The following GRIP1 variants were observed in gnomAD, a reference collection of about 807,000 sequenced individuals.
The protein encoded by GRIP1 is glutamate receptor interacting protein 1.
In GRIP1, 45 loss-of-function variants were observed where a neutral mutation model predicts 129.9. The observed-to-expected ratio is 0.35, with a 90% CI of 0.27 to 0.44. GRIP1 has a LOEUF of 0.44. Ranked by LOEUF, GRIP1 falls within the 20% of genes least tolerant of loss-of-function variation. The probability of loss-of-function intolerance (pLI) is 1.00; values close to 1 mark genes in which losing one functional copy is unlikely to be tolerated. For synonymous variants in GRIP1, 530 were observed against 520.8 expected, an observed-to-expected ratio of 1.02 and a Z score of -0.24; for missense variants, 1,196 against 1,396.8, an observed-to-expected ratio of 0.86 and a Z score of 2.29.
At chr12:66,722,750 T>G (rs2036098615) in intron 1 of GRIP1, among the ~76,000 whole-genome samples, 1 of 152,140 alleles carries the variant, frequency 6.6e-6, no homozygotes, top group South Asian at 2.1e-4. Context: ...TAATACATAA[T>G]TAATTAATCT....
intron 1 of GRIP1, among the ~76,000 whole-genome samples, chr12:66,913,903 G>A (rs184683147): frequency 6.6e-6 from 1 of 152,196 alleles, no homozygotes; most frequent in Non-Finnish European, 1.5e-5. Flanking sequence ...CATCAAAGAA[G>A]TATTTAAATA....
chr12:67,061,133 C>T (rs1483172451), intron 1 of GRIP1, among the ~76,000 whole-genome samples: 11 of 152,156 alleles, frequency 7.2e-5, no homozygotes. Context: ...AAAGGGGAAC[C>T]TCATGTTTGA....
At chr12:66,589,480 A>T (rs546115034) in intron 2 of GRIP1, among the ~76,000 whole-genome samples, 1 of 152,292 alleles carries the variant, frequency 6.6e-6, no homozygotes, top group Non-Finnish European at 1.5e-5. Flanking sequence ...TGTCAAAGTC[A>T]TGTCTTCTGA....
chr12:66,703,904 T>C (rs1414349884), intron 1 of GRIP1, among the ~76,000 whole-genome samples: 5 of 151,996 alleles, frequency 3.3e-5, no homozygotes, highest in Non-Finnish European at 5.9e-5. Flanking sequence ...CCACTGTGAC[T>C]GTAACAGATG....
chr12:67,028,213 T>C (rs1050615455), intron 1 of GRIP1, among the ~76,000 whole-genome samples: 6 of 152,218 alleles, frequency 3.9e-5, no homozygotes, highest in Admixed American at 3.3e-4. Context: ...TGGTTTCTCT[T>C]ATTAATACTG....
intron 1 of GRIP1, among the ~76,000 whole-genome samples, chr12:66,918,438 G>A (rs191809299): frequency 6.6e-6 from 1 of 152,116 alleles, no homozygotes; most frequent in Non-Finnish European, 1.5e-5. Flanking sequence ...ACCCTCATGA[G>A]AACACTAGAA....
At chr12:66,810,361 C>A (rs889735044) in intron 1 of GRIP1, among the ~76,000 whole-genome samples, 2 of 152,076 alleles carry the variant, frequency 1.3e-5, no homozygotes. Context: ...AGTTTGAGAC[C>A]AGCCTGGCCA....
intron 1 of GRIP1, among the ~76,000 whole-genome samples, chr12:66,779,792 A>G (rs1271286147): frequency 6.6e-6 from 1 of 152,236 alleles, no homozygotes; most frequent in Non-Finnish European, 1.5e-5. Context: ...TGCAGTAGTG[A>G]AAATAAAATG....
upstream of GRIP1, among the ~76,000 whole-genome samples, chr12:66,807,772 G>A (rs2039023638): frequency 6.6e-6 from 1 of 151,940 alleles, no homozygotes; most frequent in Admixed American, 6.6e-5. Flanking sequence ...GGCCTCCCCA[G>A]AAATAGATGC....
At chr12:66,805,888 TTAA>T (rs1357851113), upstream of GRIP1, among the ~76,000 whole-genome samples, 4 of 152,084 alleles carry the variant, frequency 2.6e-5, no homozygotes, top group Non-Finnish European at 5.9e-5. Flanking sequence ...AAACACTAAC[TTAA>T]TGATGCTGAC....
chr12:66,746,363 T>C (rs553452581), intron 1 of GRIP1, among the ~76,000 whole-genome samples: 1 of 152,314 alleles, frequency 6.6e-6, no homozygotes, highest in South Asian at 2.1e-4. Context: ...CCCAGCAGCA[T>C]TGGCATCTCC....
intron 1 of GRIP1, among the ~76,000 whole-genome samples, chr12:66,752,193 C>T (rs894569950): frequency 2.0e-5 from 3 of 150,358 alleles, no homozygotes; most frequent in Non-Finnish European, 4.4e-5. Flanking sequence ...TTATAAGCTT[C>T]CATTTAAGAC....
chr12:66,363,143 A>C (rs1399862511), intron 23 of GRIP1, among the ~76,000 whole-genome samples: 1 of 144,870 alleles, frequency 6.9e-6, no homozygotes, highest in African/African-American at 2.6e-5. Context: ...ACACATATAC[A>C]CACACATATA....
At chr12:66,556,263 C>T (rs577980012) in intron 2 of GRIP1, among the ~76,000 whole-genome samples, 2 of 152,042 alleles carry the variant, frequency 1.3e-5, no homozygotes, top group Non-Finnish European at 2.9e-5. Flanking sequence ...GCCAGGAGAG[C>T]GTGGCATTAC....
chr12:66,701,368 C>T (rs531252341), intron 1 of GRIP1, among the ~76,000 whole-genome samples: 144 of 152,238 alleles, frequency 9.5e-4, no homozygotes, highest in Admixed American at 3.7e-3. Flanking sequence ...CACAAAAATA[C>T]ATTTATTTTG....
rs557406765 is a variant in GRIP1, at chr12:66,578,752, G to A, written c.136+18095C>T. 5.1e-4 allele frequency among the ~76,000 whole-genome samples: 78 copies of A among 152,308 alleles called. 1 individual carries two copies. The highest frequency in any genetic ancestry group is 1.7e-3 in the African/African-American group (70 of 41,568). On this transcript the variant is annotated intron_variant, in intron 2 of 24. Transcript: ENST00000359742. ...GCTTGCTTAGGTAAACAAAGCAGCCGGGAAGCTCCAACGGGGTGGAGCCCA... is the reference window on the plus strand; with the variant it reads ...GCTTGCTTAGGTAAACAAAGCAGCCAGGAAGCTCCAACGGGGTGGAGCCCA...
intron 1 of GRIP1, among the ~76,000 whole-genome samples, chr12:67,029,402 T>C (rs1171428800): frequency 6.6e-6 from 1 of 152,010 alleles, no homozygotes; most frequent in East Asian, 1.9e-4. Flanking sequence ...GCGTGAGCCA[T>C]TGTGCCTGGC....
At chr12:66,961,853 T>A (rs1258216382) in intron 1 of GRIP1, among the ~76,000 whole-genome samples, 1 of 152,210 alleles carries the variant, frequency 6.6e-6, no homozygotes, top group African/African-American at 2.4e-5. Context: ...GATTAACAGC[T>A]GAATATTGAT....
At chr12:67,037,516 A>C (rs2043116474) in intron 1 of GRIP1, 1 of 152,080 alleles carries the variant, frequency 6.6e-6, no homozygotes, top group South Asian at 2.1e-4. Flanking sequence ...AAATTATTTA[A>C]GCTTTTAGAT....
Sources: allele counts gnomAD v4.1 joint callset (sites outside exome capture counted in the v4.1 genomes callset), GRCh38; gene constraint gnomAD v4.1.1; transcripts MANE v1.5; gene names NCBI Gene and HGNC (gene_info 2026-07-23, HGNC 2026-07-21).